Variants in TPCN1 observed in about 807,000 individuals in gnomAD.
TPCN1 encodes the protein two pore segment channel 1.
Under a neutral mutation model 108.8 loss-of-function variants are expected in TPCN1, and 52 were observed. That is an observed-to-expected ratio of 0.48 (90% CI 0.38 to 0.60). TPCN1 has a LOEUF of 0.60. Among genes scored for constraint, TPCN1 ranks in the 20% least tolerant of loss-of-function variants. The pLI, the probability that TPCN1 is intolerant of heterozygous loss-of-function variation, is 0.00. For missense variants in TPCN1, 806 were observed against 1,072.8 expected (o/e 0.75, Z 3.47); for synonymous variants, 446 against 433.7 (o/e 1.03, Z -0.35).
chr12:113,222,062 GT>G (rs1392279392), intron 1 of TPCN1, among the ~76,000 whole-genome samples: 1 of 152,180 alleles, frequency 6.6e-6, no homozygotes, highest in Non-Finnish European at 1.5e-5. Context: ...TGGGTCCTCT[GT>G]AGAGGCAGAA....
chr12:113,230,216 T>C (rs1953634004), intron 2 of TPCN1, among the ~76,000 whole-genome samples: 1 of 151,930 alleles, frequency 6.6e-6, no homozygotes, highest in African/African-American at 2.4e-5. Flanking sequence ...TTATTACAAG[T>C]AGATTATAGT....
At chr12:113,278,428 G>A (rs928911985) in intron 13 of TPCN1, among the ~76,000 whole-genome samples, 191 bp downstream of exon 13, 3 of 152,294 alleles carry the variant, frequency 2.0e-5, no homozygotes, top group East Asian at 1.9e-4. Context: ...GTGATACAGT[G>A]TCATCGTTAA....
At chr12:113,278,622 G>A in intron 13 of TPCN1, 150 bp from the exon 14 acceptor site, 1 of 643,778 alleles carries the variant, frequency 1.6e-6, no homozygotes, top group East Asian at 2.7e-5. Flanking sequence ...GGTACACACT[G>A]GCTGGCTGTG....
chr12:113,224,439 C>A (rs979863485), intron 1 of TPCN1, among the ~76,000 whole-genome samples: 5 of 152,342 alleles, frequency 3.3e-5, no homozygotes, highest in African/African-American at 7.2e-5. Context: ...CTCTGTCGCC[C>A]AGGCTGGAGT....
chr12:113,295,896 TGTG>T, intron 27 of TPCN1, 61 bp from the exon 28 acceptor site: 1 of 1,392,210 alleles, frequency 7.2e-7, no homozygotes, highest in South Asian at 1.3e-5. Context: ...TGTGTGACCT[TGTG>T]GGGTGGGCGG....
chr12:113,243,206 C>T (rs1395024802), intron 2 of TPCN1, among the ~76,000 whole-genome samples: 1 of 151,774 alleles, frequency 6.6e-6, no homozygotes, highest in African/African-American at 2.4e-5. Flanking sequence ...CCCATCTCTA[C>T]TAAAAATACA....
In TPCN1 at chr12:113,297,010, CAG is replaced by C. The variant is rs1956449788; in HGVS notation, c.*940_*941del. On this transcript the variant is annotated 3_prime_UTR_variant, in exon 28 of 28. Transcript: ENST00000335509. The surrounding 1 kb of genome is among the most constrained non-coding windows in gnomAD (Gnocchi z 4.4). ...GCACTAGGAACAGGAGCGAACAGCA[CAG>C]AGAGACGCTCCCTGTGGGACGCAGC... 1 of 152,324 alleles carries C rather than the reference CAG, an allele frequency of 6.6e-6. No individual in the cohort carries two copies. Among genetic ancestry groups the C allele is most frequent in the African/African-American group, 2.4e-5 (1 of 41,462 alleles). The allele number at this position is 152,324 out of a possible 1,614,324, so 9.4% of individuals were successfully genotyped here.
In TPCN1 at chr12:113,271,447, T is replaced by C. The variant is rs556633109; in HGVS notation, c.749-1211T>C. 1.5e-3 allele frequency among the ~76,000 whole-genome samples: 232 copies of C among 152,298 alleles called. 3 individuals carry two copies. The South Asian group carries it at 0.028, about 19-fold the overall frequency. ...CGCTTATCATTCCCATGCACGTCTT[T>C]ATATTTTACTTCACATTTACATTTC... On this transcript the variant is annotated intron_variant, in intron 7 of 27. Transcript: ENST00000335509.
chr12:113,256,666 C>T (rs1804470379), intron 2 of TPCN1, among the ~76,000 whole-genome samples: 1 of 152,180 alleles, frequency 6.6e-6, no homozygotes, highest in South Asian at 2.1e-4. Context: ...GGACTACAGG[C>T]TTACACCACT....
chr12:113,221,561 G>C lies in TPCN1; in HGVS notation c.-191G>C, dbSNP rs1416038199. ...CTTCGGGCTCGGGGTTTTGGCGGCGGCGCCGGCGGGCTAGGCTGCGCGGTG... is the reference window on the plus strand; with the variant it reads ...CTTCGGGCTCGGGGTTTTGGCGGCGCCGCCGGCGGGCTAGGCTGCGCGGTG... On this transcript the variant is annotated 5_prime_UTR_variant, in exon 1 of 28. Transcript: ENST00000335509. 3.8e-6 allele frequency: 1 copy of C among 264,832 alleles called. No homozygotes were observed. Among genetic ancestry groups the C allele is most frequent in the Non-Finnish European group, 7.5e-6 (1 of 132,648 alleles). 16.4% of individuals were successfully genotyped at this position (264,832 alleles called of 1,614,324 possible).
chr12:113,241,791 T>TGTGTGTGTGC (rs1237858120), intron 2 of TPCN1, among the ~76,000 whole-genome samples: 9 of 151,272 alleles, frequency 5.9e-5, no homozygotes, highest in African/African-American at 2.2e-4. Flanking sequence ...TGTGTGTGTG[T>TGTGTGTGTGC]GTGCGTGTGT....
intron 18 of TPCN1, among the ~76,000 whole-genome samples, chr12:113,286,436 G>A (rs1057488510): frequency 2.0e-5 from 3 of 152,216 alleles, no homozygotes; most frequent in South Asian, 4.1e-4. Flanking sequence ...GAGGGTGAGC[G>A]GGTTAACACG....
Position 113,289,964 on chromosome 12 carries a change from C to A in TPCN1, c.1797-164C>A. ...GGAATAGCCAAGGGCATTCCTTCAG[C>A]AGGGACCCAGGCATGAGGTGGAGAG... On this transcript the variant is annotated intron_variant, in intron 21 of 27. Transcript: ENST00000335509. The surrounding 1 kb of genome is among the most constrained non-coding windows in gnomAD (Gnocchi z 4.1). The A allele has an allele frequency of 1.8e-6, 1 of 568,526 alleles. No individual in the cohort carries two copies. The highest frequency in any genetic ancestry group is 3.1e-6 in the Non-Finnish European group (1 of 320,204). The allele number at this position is 568,526 out of a possible 1,614,324, so 35.2% of individuals were successfully genotyped here.
At chr12:113,286,656 T>TCCAGGGCTGCGGAGG (rs1232297801) in intron 18 of TPCN1, among the ~76,000 whole-genome samples, 1 of 152,184 alleles carries the variant, frequency 6.6e-6, no homozygotes, top group Non-Finnish European at 1.5e-5. Context: ...GAGGCCTGTC[T>TCCAGGGCTGCGGAGG]CCAGGGCTGC....
rs543991019 is a variant in TPCN1 at position 113,291,954 on chromosome 12, G to A, written c.2109G>A (p.Ser703=). ...ACTACAGCCGCAAGAACCAGGACTC[G>A]GAAGGTCTGTGCAGGGATGATGCCT... The part of the protein sequence containing the change: ...RMNYSRKNQD[S]EVDGGITLEK... Residue 703 remains serine (S), a synonymous_variant, in exon 25 of 28, where the codon TCG becomes TCA. Coordinates refer to ENST00000335509, the MANE Select transcript of TPCN1 (RefSeq NM_017901.6). 6 of 1,614,034 alleles carry A rather than the reference G, an allele frequency of 3.7e-6. No individual in the cohort carries two copies. The East Asian group carries it at 6.7e-5, about 18-fold the overall frequency.
chr12:113,275,734 G>C (rs556349254), intron 10 of TPCN1, among the ~76,000 whole-genome samples: 4 of 151,698 alleles, frequency 2.6e-5, no homozygotes, highest in African/African-American at 9.7e-5. Context: ...CACCACGCCC[G>C]GCTAATTTTT....
Position 113,280,354 on chromosome 12 carries a change from G to A in TPCN1, c.1342+159G>A, listed in dbSNP as rs562513509. 67 of 533,390 alleles carry A rather than the reference G, an allele frequency of 1.3e-4. No homozygotes were observed. The East Asian group carries it at 1.5e-3, about 12-fold the overall frequency. 33.0% of individuals were successfully genotyped at this position (533,390 alleles called of 1,614,324 possible). ...AAAAGTGAAGAGAACATTACCACAC[G>A]CATCCCCGTGCCCATCACCCATCTG... On this transcript the variant is annotated intron_variant, in intron 15 of 27. Coordinates refer to ENST00000335509, the MANE Select transcript of TPCN1 (RefSeq NM_017901.6).
At chr12:113,278,959 C>G (rs1443949764) in intron 14 of TPCN1, 124 bp downstream of exon 14, 1 of 846,248 alleles carries the variant, frequency 1.2e-6, no homozygotes, top group Non-Finnish European at 1.9e-6. Context: ...TGTCTGAATG[C>G]CTGTGTGAAG....
intron 14 of TPCN1, among the ~76,000 whole-genome samples, chr12:113,279,271 C>G (rs1955780293): frequency 7.1e-6 from 1 of 141,062 alleles, no homozygotes; most frequent in South Asian, 2.3e-4. Flanking sequence ...ATTCTGTAAT[C>G]TGCCTTTTCA....
Sources: allele counts gnomAD v4.1 joint callset (sites outside exome capture counted in the v4.1 genomes callset), GRCh38; gene constraint gnomAD v4.1.1; non-coding constraint Gnocchi (gnomAD v3.1); transcripts MANE v1.5; gene names NCBI Gene and HGNC (gene_info 2026-07-23, HGNC 2026-07-21).